MON2: variants seen among roughly 807,000 people sequenced by gnomAD.
MON2 encodes the protein MON2 regulator of endosome-to-Golgi trafficking, also known as protein MON2 homolog.
A neutral mutation model predicts 208.6 loss-of-function variants in MON2; 84 were observed. That is an observed-to-expected ratio of 0.40 (90% CI 0.34 to 0.48). MON2 has a LOEUF of 0.48. Ranked by LOEUF, MON2 falls within the 20% of genes least tolerant of loss-of-function variation. MON2 has a pLI of 0.59. For missense variants in MON2, 1,611 were observed against 2,015.4 expected, an observed-to-expected ratio of 0.80 and a Z score of 3.84; for synonymous variants, 660 against 694.0, an observed-to-expected ratio of 0.95 and a Z score of 0.77.
intron 4 of MON2, among the ~76,000 whole-genome samples, chr12:62,497,973 C>T (rs1369694096): frequency 6.6e-6 from 1 of 152,116 alleles, no homozygotes; most frequent in Non-Finnish European, 1.5e-5. Flanking sequence ...ATCCATTTCA[C>T]TTCCAGATAT....
Position 62,537,147 on chromosome 12 carries a change from C to G in MON2, c.1901-4C>G, listed in dbSNP as rs369456455. On this transcript the variant is annotated splice_region_variant and splice_polypyrimidine_tract_variant and intron_variant, in intron 14 of 34. Coordinates refer to ENST00000393630, the MANE Select transcript of MON2 (RefSeq NM_015026.3). The stretch of plus-strand genomic sequence containing the variant: ...AATTATTTAGGCTTTCCTTTGTGTT[C>G]TAGCATATTCCGTTCAGGGCCAAAG... The G allele has an allele frequency of 1.9e-6, 3 of 1,550,330 alleles. No homozygotes were observed. The highest frequency in any genetic ancestry group is 2.6e-6 in the Non-Finnish European group (3 of 1,133,372).
intron 7 of MON2, among the ~76,000 whole-genome samples, chr12:62,502,810 A>G (rs1049752002): frequency 6.6e-6 from 1 of 152,154 alleles, no homozygotes; most frequent in African/African-American, 2.4e-5. Flanking sequence ...GCCTTCCCCT[A>G]CCATGCTTCC....
chr12:62,543,040 G>T, intron 19 of MON2, 57 bp from the exon 20 acceptor site: 1 of 908,914 alleles, frequency 1.1e-6, no homozygotes, highest in South Asian at 1.7e-5. Context: ...TTTATTCATA[G>T]TCTAATTACT....
chr12:62,558,465 G>A (rs1336969049), intron 25 of MON2, among the ~76,000 whole-genome samples: 2 of 152,022 alleles, frequency 1.3e-5, no homozygotes, highest in African/African-American at 4.8e-5. Context: ...TGTTAATAGA[G>A]AAATTGCAGG....
intron 34 of MON2, among the ~76,000 whole-genome samples, chr12:62,592,015 G>A (rs2075412074): frequency 6.6e-6 from 1 of 152,076 alleles, no homozygotes; most frequent in East Asian, 1.9e-4. Flanking sequence ...TCATGATAGT[G>A]GTGAAGAAGC....
Position 62,560,595 on chromosome 12 carries a change from A to T in MON2, c.3514A>T (p.Ile1172Phe), listed in dbSNP as rs1230182523. 6.2e-7 allele frequency: 1 copy of T among 1,613,942 alleles called. No individual in the cohort carries two copies. Among genetic ancestry groups the T allele is most frequent in the African/African-American group, 1.3e-5 (1 of 74,908 alleles). The change falls in exon 26 of 35, where the codon ATT becomes TTT. Residue 1172 changes from isoleucine to phenylalanine, a missense_variant. By Grantham distance (21) the Ile-to-Phe change is conservative. Transcript: ENST00000393630. ...SLAALKSFQE[I>F]LQIVSPVRDS... ...GGCTGCTCTGAAAAGCTTCCAGGAA[A>T]TTTTACAGATTGTGTCCCCTGTCAG...
intron 23 of MON2, among the ~76,000 whole-genome samples, chr12:62,550,909 CTTTTT>C (rs869160726): frequency 4.6e-5 from 2 of 43,810 alleles, no homozygotes; most frequent in East Asian, 6.4e-4. Flanking sequence ...TTCTTTCTTT[CTTTTT>C]TTTTTTTTTT....
At chr12:62,580,659 T>C (rs1237697032) in intron 32 of MON2, among the ~76,000 whole-genome samples, 1 of 152,178 alleles carries the variant, frequency 6.6e-6, no homozygotes, top group African/African-American at 2.4e-5. Context: ...TGATCATATA[T>C]CAGAAACACT....
At chr12:62,582,943 A>T (rs1424351072) in intron 32 of MON2, among the ~76,000 whole-genome samples, 1 of 152,230 alleles carries the variant, frequency 6.6e-6, no homozygotes, top group Non-Finnish European at 1.5e-5. Context: ...GGAAGGAAAC[A>T]GATAAAATGC....
At position 62,544,888 on chromosome 12, in the gene MON2, A is replaced by G. The variant is rs1000807385; in HGVS notation, c.2467-10A>G. The G allele has an allele frequency of 4.6e-5, 74 of 1,601,048 alleles. No homozygotes were observed. Among genetic ancestry groups the G allele is most frequent in the Non-Finnish European group, 6.1e-5 (71 of 1,172,324 alleles). On this transcript the variant is annotated splice_polypyrimidine_tract_variant and intron_variant, in intron 20 of 34. Coordinates refer to ENST00000393630, the MANE Select transcript of MON2 (RefSeq NM_015026.3). The stretch of plus-strand genomic sequence containing the variant: ...GTATACAAATTAAACTTAATTTTAT[A>G]TACCTTCAGGTCTGCCAGCATCCAA...
chr12:62,511,992 A>C (rs369423081), intron 8 of MON2, among the ~76,000 whole-genome samples: 2 of 151,032 alleles, frequency 1.3e-5, no homozygotes, highest in African/African-American at 2.4e-5. Context: ...ATGCAGGGAA[A>C]CCCCCCTTTT....
chr12:62,582,771 T>G (rs1476843440), intron 32 of MON2, among the ~76,000 whole-genome samples: 1 of 152,148 alleles, frequency 6.6e-6, no homozygotes, highest in South Asian at 2.1e-4. Context: ...TACAAAACTT[T>G]TATTTGCTAA....
chr12:62,570,509 G>A (rs1036692500), intron 29 of MON2, among the ~76,000 whole-genome samples: 14 of 152,064 alleles, frequency 9.2e-5, no homozygotes, highest in Admixed American at 5.2e-4. Context: ...TACGTTCTGA[G>A]AGATGCATCA....
chr12:62,578,252 T>C (rs1359162172), intron 30 of MON2, among the ~76,000 whole-genome samples, 193 bp from the exon 31 acceptor site: 1 of 152,170 alleles, frequency 6.6e-6, no homozygotes, highest in Non-Finnish European at 1.5e-5. Context: ...GTAGTTAGAG[T>C]ATCATGTTTG....
At chr12:62,587,951 T>G (rs2075271410) in intron 33 of MON2, 123 bp from the exon 34 acceptor site, 1 of 600,924 alleles carries the variant, frequency 1.7e-6, no homozygotes, top group Non-Finnish European at 2.9e-6. Context: ...AACATTAACC[T>G]TGCATTGTAT....
intron 34 of MON2, among the ~76,000 whole-genome samples, chr12:62,589,408 A>G (rs1417725109): frequency 6.6e-6 from 1 of 152,200 alleles, no homozygotes. Context: ...TGTTCCTGTC[A>G]ACTATTATAT....
chr12:62,487,339 A>G (rs1414184965), intron 2 of MON2, among the ~76,000 whole-genome samples: 1 of 152,140 alleles, frequency 6.6e-6, no homozygotes. Flanking sequence ...TTTGTTATAC[A>G]AGAATTACAT....
intron 8 of MON2, among the ~76,000 whole-genome samples, chr12:62,517,937 C>T (rs528817828): frequency 3.3e-4 from 51 of 152,312 alleles, no homozygotes; most frequent in African/African-American, 1.1e-3. Context: ...GTTCTGGACA[C>T]TGTACAAAGT....
intron 1 of MON2, among the ~76,000 whole-genome samples, chr12:62,473,634 A>C (rs1176910565): frequency 6.6e-6 from 1 of 151,984 alleles, no homozygotes; most frequent in African/African-American, 2.4e-5. Flanking sequence ...GCAGTGGGCT[A>C]TCTTGGCTCA....
Sources: allele counts gnomAD v4.1 joint callset (sites outside exome capture counted in the v4.1 genomes callset), GRCh38; gene constraint gnomAD v4.1.1; transcripts MANE v1.5; gene names NCBI Gene and HGNC (gene_info 2026-07-23, HGNC 2026-07-21).